MGAT4C: variants seen among roughly 807,000 people sequenced by gnomAD.
The protein encoded by MGAT4C is MGAT4 family member C.
A neutral mutation model predicts 40.1 loss-of-function variants in MGAT4C; 19 were observed. The ratio of observed to expected loss-of-function variants is 0.47; its 90% CI spans 0.33 to 0.70. The LOEUF (loss-of-function observed/expected upper bound fraction) is 0.70. Ranked by LOEUF, MGAT4C falls within the 30% of genes least tolerant of loss-of-function variation. MGAT4C has a pLI of 0.02. For missense variants in MGAT4C, 491 were observed against 563.2 expected (o/e 0.87, Z 1.30); for synonymous variants, 181 against 187.1 (o/e 0.97, Z 0.27).
intron 1 of MGAT4C, among the ~76,000 whole-genome samples, chr12:86,076,446 C>T (rs1244742894): frequency 6.6e-6 from 1 of 152,202 alleles, no homozygotes; most frequent in Non-Finnish European, 1.5e-5. Context: ...GTCGCTTCCA[C>T]AGTTTCAGGT....
chr12:86,837,630 T>C lies in MGAT4C; in HGVS notation c.-262+1036A>G, dbSNP rs114025784. On this transcript the variant is annotated intron_variant, in intron 1 of 7. Coordinates refer to the MGAT4C transcript ENST00000548651. ...GCTATTCTAACCATTTTTATAGTCATTTTTAACACAGAAAAACAGCAACAA... is the reference window on the plus strand; with the variant it reads ...GCTATTCTAACCATTTTTATAGTCACTTTTAACACAGAAAAACAGCAACAA... 8.8e-3 allele frequency among the ~76,000 whole-genome samples: 1,341 copies of C among 152,194 alleles called. 19 individuals are homozygous for C. Among genetic ancestry groups the C allele is most frequent in the African/African-American group, 0.031 (1,294 of 41,506 alleles).
chr12:85,983,946 A>G (rs865820655), intron 3 of MGAT4C, among the ~76,000 whole-genome samples: 1 of 152,158 alleles, frequency 6.6e-6, no homozygotes, highest in African/African-American at 2.4e-5. Flanking sequence ...TAATCTCTTA[A>G]AAAAAGAATT....
At chr12:86,071,171 A>G (rs1868381456) in intron 1 of MGAT4C, among the ~76,000 whole-genome samples, 2 of 152,090 alleles carry the variant, frequency 1.3e-5, no homozygotes, top group Non-Finnish European at 1.5e-5. Flanking sequence ...GCCAGAAGCT[A>G]TTCAATTTTT....
At chr12:85,989,730 G>A (rs11117147) in intron 2 of MGAT4C, among the ~76,000 whole-genome samples, 178 bp from the exon 3 acceptor site, 4,717 of 152,026 alleles carry the variant, frequency 0.031, 94 homozygotes, top group Middle Eastern at 0.068. Context: ...GTTAACATAA[G>A]ATCAATGCAG....
At chr12:86,204,335 G>A (rs984041254) in intron 1 of MGAT4C, among the ~76,000 whole-genome samples, 1 of 151,348 alleles carries the variant, frequency 6.6e-6, no homozygotes, top group Non-Finnish European at 1.5e-5. Context: ...AATAATTCTC[G>A]TTGTATATTT....
chr12:86,175,024 A>G (rs186047385), intron 1 of MGAT4C, among the ~76,000 whole-genome samples: 83 of 152,194 alleles, frequency 5.5e-4, no homozygotes, highest in Admixed American at 3.9e-3. Flanking sequence ...TTTCTATATG[A>G]GAATGTCCAC....
intron 3 of MGAT4C, among the ~76,000 whole-genome samples, chr12:86,402,319 G>C (rs556612973): frequency 6.6e-6 from 1 of 152,156 alleles, no homozygotes; most frequent in East Asian, 1.9e-4. Context: ...CAGCTACTCG[G>C]GAGGTTGAGG....
chr12:86,361,193 C>T (rs146441206), intron 3 of MGAT4C, among the ~76,000 whole-genome samples: 47 of 152,260 alleles, frequency 3.1e-4, no homozygotes, highest in African/African-American at 1.1e-3. Context: ...ACATCTACAA[C>T]CATCTGTTAT....
In MGAT4C at chr12:86,134,879, C is replaced by CT. The variant is rs558397425; in HGVS notation, c.-56-85157dup. ...TCAAATGTGAAGATTTAATAACAGGCTTGCCTACAATAAGATATTTCAGCT... is the reference window on the plus strand; with the variant it reads ...TCAAATGTGAAGATTTAATAACAGGCTTTGCCTACAATAAGATATTTCAGCT... On this transcript the variant is annotated intron_variant, in intron 1 of 4. Transcript: ENST00000611864. Among the ~76,000 whole-genome samples the CT allele has an allele frequency of 3.4e-3, 516 of 152,170 alleles. 3 individuals carry two copies. Among genetic ancestry groups the CT allele is most frequent in the South Asian group, 7.9e-3 (38 of 4,826 alleles).
intron 1 of MGAT4C, among the ~76,000 whole-genome samples, chr12:86,151,412 A>G (rs1348144738): frequency 6.6e-6 from 1 of 152,120 alleles, no homozygotes. Context: ...GGAGATCAAG[A>G]CCATCCTGGC....
At chr12:86,404,320 A>T (rs1319811801) in intron 3 of MGAT4C, among the ~76,000 whole-genome samples, 2 of 152,230 alleles carry the variant, frequency 1.3e-5, no homozygotes, top group African/African-American at 4.8e-5. Flanking sequence ...ACTTCCAAGT[A>T]TATCATATCC....
intron 1 of MGAT4C, among the ~76,000 whole-genome samples, chr12:86,086,871 C>T (rs1391827900): frequency 6.6e-6 from 1 of 151,892 alleles, no homozygotes; most frequent in Non-Finnish European, 1.5e-5. Context: ...TCTATATTTC[C>T]CTGAGTTCAG....
chr12:86,144,805 CATAAGTT>C (rs1163360972), intron 1 of MGAT4C, among the ~76,000 whole-genome samples: 4 of 152,064 alleles, frequency 2.6e-5, no homozygotes, highest in Non-Finnish European at 5.9e-5. Flanking sequence ...AAAAAATACT[CATAAGTT>C]ATACTATAAA....
intron 2 of MGAT4C, among the ~76,000 whole-genome samples, chr12:86,551,544 C>T (rs2136396857): frequency 6.6e-6 from 1 of 152,288 alleles, no homozygotes; most frequent in East Asian, 1.9e-4. Context: ...GGCCAAGTAG[C>T]CTTGTGCCTA....
At chr12:86,113,148 C>T (rs540264901) in intron 1 of MGAT4C, among the ~76,000 whole-genome samples, 14 of 151,790 alleles carry the variant, frequency 9.2e-5, no homozygotes, top group East Asian at 7.7e-4. Flanking sequence ...TGTTTGCCTA[C>T]GTGTTCAGGT....
chr12:85,994,278 T>C (rs1886339192), intron 2 of MGAT4C, among the ~76,000 whole-genome samples: 1 of 152,210 alleles, frequency 6.6e-6, no homozygotes, highest in African/African-American at 2.4e-5. Flanking sequence ...CTGCAAATTG[T>C]AATCCTCTCA....
intron 1 of MGAT4C, among the ~76,000 whole-genome samples, chr12:86,728,719 G>A (rs1264284098): frequency 6.6e-6 from 1 of 152,038 alleles, no homozygotes; most frequent in African/African-American, 2.4e-5. Flanking sequence ...TTATACTCCC[G>A]CTCACTACTG....
chr12:86,121,107 T>C (rs1051499174), intron 1 of MGAT4C, among the ~76,000 whole-genome samples: 2 of 152,102 alleles, frequency 1.3e-5, no homozygotes, highest in African/African-American at 4.8e-5. Context: ...ATGCACAAGC[T>C]TCAGTAGCTG....
intron 1 of MGAT4C, among the ~76,000 whole-genome samples, chr12:86,820,944 T>C (rs551810551): frequency 6.6e-6 from 1 of 150,962 alleles, no homozygotes; most frequent in African/African-American, 2.4e-5. Flanking sequence ...AATGAGAGTA[T>C]ACAATGGTGG....
Sources: gnomAD v4.1 joint callset for allele counts (sites outside exome capture counted in the v4.1 genomes callset) on GRCh38, gnomAD v4.1.1 for gene constraint, MANE v1.5 for transcripts, NCBI Gene and HGNC (gene_info 2026-07-23, HGNC 2026-07-21) for gene names.